Variants in DOCK3 observed in about 807,000 individuals in gnomAD.
DOCK3 encodes the protein dedicator of cytokinesis protein 3.
Under a neutral mutation model 265.6 loss-of-function variants are expected in DOCK3, and 60 were observed. The ratio of observed to expected loss-of-function variants is 0.23; its 90% CI spans 0.18 to 0.28. DOCK3 has a LOEUF of 0.28. DOCK3 is among the 10% of genes least tolerant of loss of function. The pLI is 1.00. For missense variants in DOCK3, 1,981 were observed against 2,594.3 expected, an observed-to-expected ratio of 0.76 and a Z score of 5.14; for synonymous variants, 881 against 938.0, an observed-to-expected ratio of 0.94 and a Z score of 1.11.
At position 51,341,336 on chromosome 3, in the gene DOCK3, G is replaced by A. The variant is rs539996527; in HGVS notation, c.3866G>A (p.Arg1289Gln). The A allele has an allele frequency of 4.3e-6, 7 of 1,613,692 alleles. No individual in the cohort carries two copies. Among genetic ancestry groups the A allele is most frequent in the East Asian group, 2.2e-5 (1 of 44,884 alleles). Reference protein sequence around the residue: ...LHYPSQTEWQRKEGLCRKIIH... With the variant: ...LHYPSQTEWQQKEGLCRKIIH... Reference sequence around the variant, plus strand: ...TACCCATCGCAGACAGAGTGGCAGCGGAAGGAGGGACTGTGCCGGAAGATC... The same window carrying A: ...TACCCATCGCAGACAGAGTGGCAGCAGAAGGAGGGACTGTGCCGGAAGATC... The change falls in exon 38 of 53, where the codon CGG becomes CAG. Residue 1289 changes from arginine (R) to glutamine (Q), a missense_variant. By Grantham distance (43) the Arg-to-Gln change is conservative. Coordinates refer to ENST00000266037, the MANE Select transcript of DOCK3 (RefSeq NM_004947.5).
At chr3:50,770,104 A>C (rs538291537) in intron 1 of DOCK3, among the ~76,000 whole-genome samples, 2 of 152,166 alleles carry the variant, frequency 1.3e-5, no homozygotes, top group African/African-American at 4.8e-5. Flanking sequence ...TCCTAGATAG[A>C]GCAATCAGAC....
intron 5 of DOCK3, among the ~76,000 whole-genome samples, chr3:50,940,512 C>T (rs1282133611): frequency 6.6e-6 from 1 of 152,040 alleles, no homozygotes; most frequent in Admixed American, 6.6e-5. Context: ...TAAAACATTC[C>T]TGGCAGGATT....
intron 2 of DOCK3, chr3:50,788,430 G>T (rs34048522): frequency 0.096 from 18,879 of 197,436 alleles, 1,138 homozygotes; most frequent in Non-Finnish European, 0.12. Context: ...AATTCTTCCA[G>T]TGTTGCAGCA....
chr3:50,795,529 G>A (rs758353311), intron 2 of DOCK3, among the ~76,000 whole-genome samples: 65 of 151,902 alleles, frequency 4.3e-4, no homozygotes, highest in Non-Finnish European at 4.0e-4. Flanking sequence ...CTACAGGTGC[G>A]TGCCACCACA....
chr3:50,716,612 C>T (rs1255316908), intron 1 of DOCK3, among the ~76,000 whole-genome samples: 2 of 149,158 alleles, frequency 1.3e-5, no homozygotes, highest in Non-Finnish European at 3.0e-5. Flanking sequence ...TAGTAATTTT[C>T]GGTTTATGTT....
chr3:50,951,530 A>G (rs2076592376), intron 5 of DOCK3, among the ~76,000 whole-genome samples: 1 of 152,166 alleles, frequency 6.6e-6, no homozygotes, highest in Non-Finnish European at 1.5e-5. Context: ...TGAAATCTTG[A>G]TTTACAGGCA....
chr3:50,970,683 T>G (rs1179231388), intron 5 of DOCK3, among the ~76,000 whole-genome samples: 2 of 149,494 alleles, frequency 1.3e-5, no homozygotes, highest in African/African-American at 4.9e-5. Context: ...TTTTTTCTGA[T>G]TTCTTTGTGT....
chr3:50,786,296 T>C (rs567167524), intron 2 of DOCK3, among the ~76,000 whole-genome samples: 1 of 152,350 alleles, frequency 6.6e-6, no homozygotes, highest in African/African-American at 2.4e-5. Context: ...AGTCTGAGTA[T>C]TTGAAACTTA....
intron 38 of DOCK3, among the ~76,000 whole-genome samples, chr3:51,344,488 C>T (rs1368197397): frequency 1.3e-5 from 2 of 152,128 alleles, no homozygotes; most frequent in African/African-American, 2.4e-5. Flanking sequence ...GGTGTGGTGG[C>T]GCATGCCTGT....
Position 51,356,943 on chromosome 3 carries a change from G to C in DOCK3, c.4504-19G>C. Reference sequence around the variant, plus strand: ...TTATCATCATTTCTGGGATGACTCTGTGTGCTGTGTGCCCCTAGGTGGAGG... The same window carrying C: ...TTATCATCATTTCTGGGATGACTCTCTGTGCTGTGTGCCCCTAGGTGGAGG... On this transcript the variant is annotated intron_variant, in intron 43 of 52. Coordinates refer to ENST00000266037, the MANE Select transcript of DOCK3 (RefSeq NM_004947.5). The C allele has an allele frequency of 6.2e-7, 1 of 1,601,786 alleles. No individual in the cohort carries two copies. The highest frequency in any genetic ancestry group is 8.5e-7 in the Non-Finnish European group (1 of 1,174,998).
chr3:51,006,887 C>T (rs1271092980), intron 5 of DOCK3, among the ~76,000 whole-genome samples: 1 of 152,134 alleles, frequency 6.6e-6, no homozygotes, highest in Non-Finnish European at 1.5e-5. Flanking sequence ...GGTTTTCTGT[C>T]CTTGCGATAG....
chr3:51,285,647 G>C (rs1008378566), intron 27 of DOCK3, among the ~76,000 whole-genome samples: 20 of 151,768 alleles, frequency 1.3e-4, no homozygotes, highest in Non-Finnish European at 4.4e-5. Flanking sequence ...TTTAAAAAGA[G>C]GGTAAGGCCA....
chr3:51,222,513 TC>T (rs918174616), intron 14 of DOCK3, among the ~76,000 whole-genome samples: 3 of 152,120 alleles, frequency 2.0e-5, no homozygotes, highest in Non-Finnish European at 4.4e-5. Context: ...AAGAAGCCTC[TC>T]CCTCCCAGCA....
At chr3:51,258,332 C>G (rs1161488724) in intron 22 of DOCK3, among the ~76,000 whole-genome samples, 1 of 152,212 alleles carries the variant, frequency 6.6e-6, no homozygotes, top group African/African-American at 2.4e-5. Flanking sequence ...GTCTTTACTT[C>G]CAGTGCTCCA....
At chr3:51,339,140 T>C (rs1028516733) in intron 37 of DOCK3, 112 bp downstream of exon 37, 3 of 898,502 alleles carry the variant, frequency 3.3e-6, no homozygotes, top group East Asian at 5.6e-5. Context: ...CAGCAGAATG[T>C]TGGGGCTTGT....
intron 9 of DOCK3, among the ~76,000 whole-genome samples, chr3:51,131,696 T>C (rs1003331455): frequency 6.6e-6 from 1 of 152,172 alleles, no homozygotes; most frequent in Non-Finnish European, 1.5e-5. Context: ...GAGCTCTACA[T>C]GAGTCAGACT....
At chr3:50,787,851 CTT>C (rs1461151526) in intron 2 of DOCK3, 28 of 1,103,996 alleles carry the variant, frequency 2.5e-5, no homozygotes, top group Non-Finnish European at 3.8e-5. Context: ...ACAGGAGTCT[CTT>C]TGGATTGAGA....
chr3:51,263,139 T>G (rs993962671), intron 23 of DOCK3, among the ~76,000 whole-genome samples: 2 of 152,008 alleles, frequency 1.3e-5, no homozygotes, highest in East Asian at 1.9e-4. Context: ...AAGATTGAAA[T>G]GAAGGAAAAT....
At chr3:51,376,809 C>T (rs1414839899) in intron 51 of DOCK3, among the ~76,000 whole-genome samples, 2 of 152,250 alleles carry the variant, frequency 1.3e-5, no homozygotes, top group Non-Finnish European at 1.5e-5. Context: ...GGAGGACATA[C>T]CTCTGTGTCC....
Sources: gnomAD v4.1 joint callset for allele counts (sites outside exome capture counted in the v4.1 genomes callset) on GRCh38, gnomAD v4.1.1 for gene constraint, MANE v1.5 for transcripts, NCBI Gene and HGNC (gene_info 2026-07-23, HGNC 2026-07-21) for gene names.